The following KIF3B variants were observed in gnomAD, a reference collection of about 807,000 sequenced individuals.
KIF3B encodes kinesin-like protein KIF3B.
Under a neutral mutation model 74.3 loss-of-function variants are expected in KIF3B, and 38 were observed. The observed-to-expected ratio is 0.51, with a 90% CI of 0.39 to 0.67. The LOEUF is 0.67. Ranked by LOEUF, KIF3B falls within the 30% of genes least tolerant of loss-of-function variation. The pLI is 0.00. For synonymous variants in KIF3B, 326 were observed against 342.5 expected (o/e 0.95, Z 0.53); for missense variants, 649 against 932.0 (o/e 0.70, Z 3.95).
At chr20:32,315,175 T>G (rs1208949328) in intron 2 of KIF3B, among the ~76,000 whole-genome samples, 1 of 152,162 alleles carries the variant, frequency 6.6e-6, no homozygotes, top group Non-Finnish European at 1.5e-5. Flanking sequence ...GAGTAATGTT[T>G]CTAAAACACA....
At position 32,280,639 on chromosome 20, in the gene KIF3B, G is replaced by C. The variant is rs146479860; in HGVS notation, c.-66+2874G>C. On this transcript the variant is annotated intron_variant, in intron 1 of 8. Transcript: ENST00000375712. ...CTGAGGCAGGAGAATGGCGTGAACCGGGGAGGTGGAACTTGCAGTGAGCCA... is the reference window on the plus strand; with the variant it reads ...CTGAGGCAGGAGAATGGCGTGAACCCGGGAGGTGGAACTTGCAGTGAGCCA... 2.0e-5 allele frequency among the ~76,000 whole-genome samples: 3 copies of C among 149,926 alleles called. No homozygotes were observed. The East Asian group carries it at 5.9e-4, about 30-fold the overall frequency.
chr20:32,284,496 T>C (rs936557291), intron 1 of KIF3B, among the ~76,000 whole-genome samples: 1 of 152,090 alleles, frequency 6.6e-6, no homozygotes, highest in Non-Finnish European at 1.5e-5. Flanking sequence ...TTGTCAGAAA[T>C]GCAGAATCTA....
At position 32,309,771 on chromosome 20, in the gene KIF3B, G is replaced by A; in HGVS notation, c.-7G>A. The stretch of plus-strand genomic sequence containing the variant: ...CTTCTCAAGATTTGACTGGATCAGA[G>A]TTCATCATGTCAAAGTTGAAAAGCT... On this transcript the variant is annotated 5_prime_UTR_variant, in exon 2 of 9. Transcript: ENST00000375712. 1.9e-6 allele frequency: 3 copies of A among 1,609,586 alleles called. No homozygotes were observed. Among genetic ancestry groups the A allele is most frequent in the South Asian group, 2.2e-5 (2 of 90,396 alleles).
At position 32,332,539 on chromosome 20, in the gene KIF3B, C is replaced by T. The variant is rs2047935406; in HGVS notation, c.*1220C>T. ...AGGCTCAAAGGAGAGTTCAGAATTCCCATTTACATATTACTAGTTTGGTTT... is the reference window on the plus strand; with the variant it reads ...AGGCTCAAAGGAGAGTTCAGAATTCTCATTTACATATTACTAGTTTGGTTT... On this transcript the variant is annotated 3_prime_UTR_variant, in exon 9 of 9. Transcript: ENST00000375712. 1 of 152,192 alleles carries T rather than the reference C, an allele frequency of 6.6e-6. No homozygotes were observed. 9.4% of individuals were successfully genotyped at this position (152,192 alleles called of 1,614,324 possible).
chr20:32,322,738 A>ATATTTATATT (rs2047870728), intron 5 of KIF3B, among the ~76,000 whole-genome samples: 1 of 54,226 alleles, frequency 1.8e-5, no homozygotes, highest in Non-Finnish European at 2.8e-5. Flanking sequence ...TTATTTATAT[A>ATATTTATATT]TATTTATTTA....
chr20:32,300,164 G>A (rs905198350), intron 1 of KIF3B, among the ~76,000 whole-genome samples: 3 of 151,704 alleles, frequency 2.0e-5, no homozygotes, highest in Non-Finnish European at 4.4e-5. Flanking sequence ...GTGCAGTAGG[G>A]CTATTATGGC....
chr20:32,311,208 C>T lies in KIF3B; in HGVS notation c.1404+27C>T, dbSNP rs757417044. 3 of 1,542,718 alleles carry T rather than the reference C, an allele frequency of 1.9e-6. No homozygotes were observed. In the African/African-American group the frequency reaches 4.1e-5, roughly 21 times the overall value. The stretch of plus-strand genomic sequence containing the variant: ...TACCATACCCGTACCCTTCCTTAGG[C>T]CCTTGCCCTGTCACTGCTTTTGCTT... On this transcript the variant is annotated intron_variant, in intron 2 of 8. Coordinates refer to ENST00000375712, the MANE Select transcript of KIF3B (RefSeq NM_004798.4).
chr20:32,312,680 A>G (rs76012676), intron 2 of KIF3B, among the ~76,000 whole-genome samples: 4,081 of 152,214 alleles, frequency 0.027, 180 homozygotes, highest in African/African-American at 0.094. Context: ...TACTGTTCCA[A>G]GTATTCCATG....
At chr20:32,326,679 C>CAAG in intron 5 of KIF3B, 92 bp from the exon 6 acceptor site, 1 of 676,062 alleles carries the variant, frequency 1.5e-6, no homozygotes, top group South Asian at 1.8e-5. Context: ...TGCCTTGACT[C>CAAG]TTACCTGATT....
At chr20:32,312,796 T>C (rs73239258) in intron 2 of KIF3B, among the ~76,000 whole-genome samples, 4,701 of 152,300 alleles carry the variant, frequency 0.031, 266 homozygotes, top group African/African-American at 0.11. Context: ...TGTTTGGCAC[T>C]GTTAGGTCTT....
intron 1 of KIF3B, among the ~76,000 whole-genome samples, chr20:32,308,956 C>T (rs1451058300): frequency 6.6e-6 from 1 of 151,864 alleles, no homozygotes; most frequent in Non-Finnish European, 1.5e-5. Context: ...ACCTCGTGAT[C>T]CACCCGCCTC....
At chr20:32,292,090 C>T (rs1004384549) in intron 1 of KIF3B, among the ~76,000 whole-genome samples, 4 of 152,024 alleles carry the variant, frequency 2.6e-5, no homozygotes, top group African/African-American at 4.8e-5. Context: ...CATATACCAC[C>T]GCACCTGGCT....
Position 32,331,405 on chromosome 20 carries a change from C to A in KIF3B, c.*86C>A. On this transcript the variant is annotated 3_prime_UTR_variant, in exon 9 of 9. Coordinates refer to ENST00000375712, the MANE Select transcript of KIF3B (RefSeq NM_004798.4). ...AAAAAGCTGCAGAGAGGATTCGGCC[C>A]AAACTCAGAACTGTTCCCCTGAGGA... The A allele has an allele frequency of 1.8e-6, 2 of 1,099,466 alleles. No homozygotes were observed. The highest frequency in any genetic ancestry group is 2.7e-6 in the Non-Finnish European group (2 of 743,694). The allele number at this position is 1,099,466 out of a possible 1,614,324, so 68.1% of individuals were successfully genotyped here. A position where few individuals can be genotyped will look rare whatever the true frequency, so the allele number is the denominator to read the frequency against.
At position 32,331,500 on chromosome 20, in the gene KIF3B, A is replaced by G. The variant is rs3746608; in HGVS notation, c.*181A>G. ...ACGTGCTGTTCCTAATCTGGCACTCAGCCCCTCTGGGAAACATCTTTTAAT... is the reference window on the plus strand; with the variant it reads ...ACGTGCTGTTCCTAATCTGGCACTCGGCCCCTCTGGGAAACATCTTTTAAT... On this transcript the variant is annotated 3_prime_UTR_variant, in exon 9 of 9. Transcript: ENST00000375712. 4.2e-4 allele frequency: 235 copies of G among 564,110 alleles called. 1 individual carries two copies. In the East Asian group the frequency reaches 7.1e-3, roughly 17 times the overall value. 34.9% of individuals were successfully genotyped at this position (564,110 alleles called of 1,614,324 possible). A position where few individuals can be genotyped will look rare whatever the true frequency, so the allele number is the denominator to read the frequency against.
chr20:32,304,279 C>T (rs774579499), intron 1 of KIF3B, among the ~76,000 whole-genome samples: 8 of 152,194 alleles, frequency 5.3e-5, no homozygotes, highest in Non-Finnish European at 8.8e-5. Context: ...ATTTATTAAG[C>T]CACAGCATAT....
chr20:32,295,738 T>C (rs1352000615), intron 1 of KIF3B, among the ~76,000 whole-genome samples: 1 of 152,168 alleles, frequency 6.6e-6, no homozygotes, highest in Non-Finnish European at 1.5e-5. Flanking sequence ...ATTCTAGTGC[T>C]GTGGACCTAA....
chr20:32,319,706 C>T (rs1357003651), intron 5 of KIF3B, among the ~76,000 whole-genome samples: 1 of 150,088 alleles, frequency 6.7e-6, no homozygotes, highest in Non-Finnish European at 1.5e-5. Context: ...ATGCCTCAGC[C>T]TCCCGAATAG....
In KIF3B at chr20:32,328,379, G is replaced by A. The variant is rs989644281; in HGVS notation, c.1968+718G>A. Among the ~76,000 whole-genome samples the A allele has an allele frequency of 3.3e-5, 5 of 151,072 alleles. No individual in the cohort carries two copies. In the East Asian group the frequency reaches 5.9e-4, roughly 18 times the overall value. ...GTGGAGCTTGCAGTGAGCCAAGATC[G>A]CGCCACTGCATTCCAGCCTGGGCAA... On this transcript the variant is annotated intron_variant, in intron 7 of 8. Coordinates refer to ENST00000375712, the MANE Select transcript of KIF3B (RefSeq NM_004798.4).
At chr20:32,303,742 C>G (rs1357859145) in intron 1 of KIF3B, among the ~76,000 whole-genome samples, 2 of 151,112 alleles carry the variant, frequency 1.3e-5, no homozygotes, top group Non-Finnish European at 2.9e-5. Flanking sequence ...GTAATCCCAG[C>G]TATTCGGGAG....
Sources: gnomAD v4.1 joint callset for allele counts (sites outside exome capture counted in the v4.1 genomes callset) on GRCh38, gnomAD v4.1.1 for gene constraint, MANE v1.5 for transcripts, NCBI Gene and HGNC (gene_info 2026-07-23, HGNC 2026-07-21) for gene names.